LPIN2: variants seen among roughly 807,000 people sequenced by gnomAD.
LPIN2 encodes the protein phosphatidate phosphatase LPIN2.
Under a neutral mutation model 111.4 loss-of-function variants are expected in LPIN2, and 55 were observed. The ratio of observed to expected loss-of-function variants is 0.49; its 90% CI spans 0.40 to 0.62. The LOEUF is 0.62. Ranked by LOEUF, LPIN2 falls within the 20% of genes least tolerant of loss-of-function variation. The pLI, the probability that LPIN2 is intolerant of heterozygous loss-of-function variation, is 0.00. For missense variants in LPIN2, 992 were observed against 1,112.1 expected (o/e 0.89, Z 1.54); for synonymous variants, 425 against 414.0 (o/e 1.03, Z -0.32).
intron 1 of LPIN2, 29 bp from the exon 2 acceptor site, chr18:2,960,878 T>C (rs1303714909): frequency 6.4e-7 from 1 of 1,565,630 alleles, no homozygotes; most frequent in South Asian, 1.1e-5. Context: ...AGATGAGATG[T>C]TAACACTAAA....
intron 1 of LPIN2, among the ~76,000 whole-genome samples, chr18:2,988,207 C>T (rs1026028276): frequency 6.6e-6 from 1 of 152,016 alleles, no homozygotes; most frequent in Non-Finnish European, 1.5e-5. Flanking sequence ...CTCAACCTGA[C>T]TATATTCTGC....
chr18:2,940,876 AC>A (rs2077358921), intron 4 of LPIN2, among the ~76,000 whole-genome samples, 164 bp from the exon 5 acceptor site: 1 of 152,210 alleles, frequency 6.6e-6, no homozygotes, highest in Non-Finnish European at 1.5e-5. Flanking sequence ...CACCAATGCC[AC>A]CCACTATAAA....
At chr18:2,995,746 T>C (rs1034938370) in intron 1 of LPIN2, among the ~76,000 whole-genome samples, 2 of 152,284 alleles carry the variant, frequency 1.3e-5, no homozygotes, top group East Asian at 3.9e-4. Context: ...AAAAACCTAA[T>C]CTACCTTGAA....
chr18:2,964,168 A>G lies in LPIN2; in HGVS notation c.-9-3319T>C, dbSNP rs1395845253. On this transcript the variant is annotated intron_variant, in intron 1 of 19. Coordinates refer to ENST00000677752, the MANE Select transcript of LPIN2 (RefSeq NM_001375808.2). ...CGTGATGGCGTGCGCCTGTAGTCCC[A>G]GCTACTTGGGAGGCTGAGGCAGGAG... Among the ~76,000 whole-genome samples, 4 of 150,230 alleles carry G rather than the reference A, an allele frequency of 2.7e-5. No individual in the cohort carries two copies. In the East Asian group the frequency reaches 7.9e-4, roughly 30 times the overall value.
chr18:2,924,089 A>AAACT (rs557957882), intron 15 of LPIN2, among the ~76,000 whole-genome samples: 35 of 152,340 alleles, frequency 2.3e-4, no homozygotes, highest in African/African-American at 8.2e-4. Context: ...TTCGGAGGTA[A>AAACT]CTGACTGCCA....
At chr18:2,993,820 G>C (rs964042151) in intron 1 of LPIN2, among the ~76,000 whole-genome samples, 3 of 152,080 alleles carry the variant, frequency 2.0e-5, no homozygotes, top group Non-Finnish European at 4.4e-5. Flanking sequence ...ACCCAACTAA[G>C]CTTTGCAATA....
intron 8 of LPIN2, among the ~76,000 whole-genome samples, chr18:2,932,494 C>T (rs553455575): frequency 2.0e-5 from 3 of 152,324 alleles, no homozygotes; most frequent in African/African-American, 7.2e-5. Context: ...AATAGCCATG[C>T]ACACTCATAC....
intron 1 of LPIN2, among the ~76,000 whole-genome samples, chr18:2,975,667 A>G (rs2078000837): frequency 6.6e-6 from 1 of 152,200 alleles, no homozygotes; most frequent in South Asian, 2.1e-4. Context: ...CGTTATGAAC[A>G]TAAAAGTGTG....
At chr18:2,946,832 G>A (rs948178367) in intron 4 of LPIN2, 8 of 390,674 alleles carry the variant, frequency 2.0e-5, no homozygotes, top group Admixed American at 4.1e-5. Context: ...AGCACAGTAC[G>A]AGTCAACGAA....
At chr18:2,937,659 G>C (rs1371139826) in intron 7 of LPIN2, 33 bp downstream of exon 7, 5 of 1,547,602 alleles carry the variant, frequency 3.2e-6, no homozygotes, top group Non-Finnish European at 4.5e-6. Flanking sequence ...TCTAATTTGA[G>C]AGTACCTGGA....
chr18:3,010,682 G>A (rs1013312616), intron 1 of LPIN2, among the ~76,000 whole-genome samples: 9 of 152,206 alleles, frequency 5.9e-5, no homozygotes, highest in African/African-American at 1.7e-4. Context: ...GCCTCTTGAT[G>A]TAAATTGCTA....
At position 2,925,112 on chromosome 18, in the gene LPIN2, T is replaced by C. The variant is rs1191051332; in HGVS notation, c.1938+112A>G. Reference sequence around the variant, plus strand: ...CTGTGGATAGGCATTGACACGACCATGCCGTGTGGCGTGTATGCAGCTGGG... The same window carrying C: ...CTGTGGATAGGCATTGACACGACCACGCCGTGTGGCGTGTATGCAGCTGGG... On this transcript the variant is annotated intron_variant, in intron 14 of 19. Coordinates refer to ENST00000677752, the MANE Select transcript of LPIN2 (RefSeq NM_001375808.2). This position sits in a 1 kb window ranked among gnomAD's most constrained non-coding sequence, Gnocchi z 4.1. 10 of 1,366,424 alleles carry C rather than the reference T, an allele frequency of 7.3e-6. No homozygotes were observed. The highest frequency in any genetic ancestry group is 1.8e-5 in the Admixed American group (1 of 56,536). The allele number at this position is 1,366,424 out of a possible 1,614,324, so 84.6% of individuals were successfully genotyped here. A position where few individuals can be genotyped will look rare whatever the true frequency, so the allele number is the denominator to read the frequency against.
At chr18:2,977,164 C>T (rs2078033343) in intron 1 of LPIN2, 1 of 150,222 alleles carries the variant, frequency 6.7e-6, no homozygotes, top group Non-Finnish European at 1.5e-5. Context: ...ACACTGCACT[C>T]CAGACTGGGT....
Position 2,934,456 on chromosome 18 carries a change from T to TAAA in LPIN2, c.1169-9_1169-7dup. On this transcript the variant is annotated splice_region_variant and splice_polypyrimidine_tract_variant and intron_variant, in intron 7 of 19. Transcript: ENST00000677752. ...TTGGCTTCTTTTGTGAACACCTGTT[T>TAAA]AAAAAAAAAATCAGAGGTAAGAATT... The TAAA allele has an allele frequency of 6.7e-7, 1 of 1,499,676 alleles. No individual in the cohort carries two copies. Among genetic ancestry groups the TAAA allele is most frequent in the Non-Finnish European group, 9.2e-7 (1 of 1,091,506 alleles). The allele number at this position is 1,499,676 out of a possible 1,614,324, so 92.9% of individuals were successfully genotyped here.
intron 1 of LPIN2, chr18:2,982,702 T>C (rs1369950608): frequency 5.4e-6 from 7 of 1,303,632 alleles, no homozygotes; most frequent in South Asian, 1.2e-5. Context: ...ATGGTAAACA[T>C]CTTGAGTTTT....
chr18:2,994,482 A>C (rs1435774407), intron 1 of LPIN2, among the ~76,000 whole-genome samples: 1 of 152,240 alleles, frequency 6.6e-6, no homozygotes, highest in African/African-American at 2.4e-5. Context: ...ATAGCTTTAA[A>C]AAAATTTTTT....
intron 1 of LPIN2, among the ~76,000 whole-genome samples, chr18:2,989,812 C>G (rs1462397563): frequency 6.6e-6 from 1 of 151,434 alleles, no homozygotes; most frequent in Admixed American, 6.6e-5. Context: ...CCCAGCCACT[C>G]GGGAGGCTGA....
At chr18:2,998,743 T>C (rs1286609819) in intron 1 of LPIN2, among the ~76,000 whole-genome samples, 1 of 151,928 alleles carries the variant, frequency 6.6e-6, no homozygotes, top group African/African-American at 2.4e-5. Context: ...AAATAGAGTA[T>C]AACATGGAGG....
intron 8 of LPIN2, among the ~76,000 whole-genome samples, 168 bp downstream of exon 8, chr18:2,934,183 T>C (rs937428027): frequency 6.6e-6 from 1 of 152,232 alleles, no homozygotes; most frequent in Non-Finnish European, 1.5e-5. Flanking sequence ...AGTCACTATA[T>C]TGAAATAAGA....
Sources: allele counts gnomAD v4.1 joint callset (sites outside exome capture counted in the v4.1 genomes callset), GRCh38; gene constraint gnomAD v4.1.1; non-coding constraint Gnocchi (gnomAD v3.1); transcripts MANE v1.5; gene names NCBI Gene and HGNC (gene_info 2026-07-23, HGNC 2026-07-21).